Variants in KCNN2 observed in about 807,000 individuals in gnomAD.
The protein encoded by KCNN2 is small conductance calcium-activated potassium channel protein 2.
A neutral mutation model predicts 55.5 loss-of-function variants in KCNN2; 24 were observed. The ratio of observed to expected loss-of-function variants is 0.43; its 90% confidence interval spans 0.31 to 0.61. The LOEUF (loss-of-function observed/expected upper bound fraction) is 0.61, where lower values mean the gene tolerates loss of function less well. Among genes scored for constraint, KCNN2 ranks in the 20% least tolerant of loss-of-function variants. The pLI, the probability that KCNN2 is intolerant of heterozygous loss-of-function variation, is 0.08. For missense variants in KCNN2, 754 were observed against 853.6 expected (o/e 0.88, Z 1.45); for synonymous variants, 431 against 336.1 (o/e 1.28, Z -3.09).
intron 1 of KCNN2, among the ~76,000 whole-genome samples, chr5:114,149,521 G>C (rs558310815): frequency 1.3e-5 from 2 of 152,122 alleles, no homozygotes; most frequent in Admixed American, 6.5e-5. Flanking sequence ...GGATATACCA[G>C]CATTTATTAT....
intron 3 of KCNN2, among the ~76,000 whole-genome samples, chr5:114,447,276 C>T (rs1044261925): frequency 1.3e-5 from 2 of 152,154 alleles, no homozygotes; most frequent in Non-Finnish European, 2.9e-5. Flanking sequence ...TGGTTTTGAT[C>T]CTTTTGACTT....
intron 1 of KCNN2, among the ~76,000 whole-genome samples, chr5:114,144,739 T>C (rs1561493897): frequency 6.6e-6 from 1 of 151,368 alleles, no homozygotes; most frequent in Non-Finnish European, 1.5e-5. Context: ...TAACACAACT[T>C]TTAAGTAGTA....
chr5:114,295,260 G>A (rs530430170), intron 2 of KCNN2, among the ~76,000 whole-genome samples: 85 of 152,320 alleles, frequency 5.6e-4, no homozygotes, highest in African/African-American at 2.0e-3. Flanking sequence ...GTCTGCAGAG[G>A]TTACTGCTGT....
chr5:114,170,361 T>C (rs1039301643), intron 1 of KCNN2, among the ~76,000 whole-genome samples: 12 of 152,080 alleles, frequency 7.9e-5, no homozygotes, highest in Admixed American at 4.6e-4. Flanking sequence ...ATGGGTTTTA[T>C]TGAGATTTTA....
chr5:114,419,987 G>T (rs1407387546), intron 3 of KCNN2, among the ~76,000 whole-genome samples: 1 of 152,238 alleles, frequency 6.6e-6, no homozygotes, highest in East Asian at 1.9e-4. Flanking sequence ...AACATAGTGA[G>T]ACCCTGTCTC....
chr5:114,139,001 T>G (rs1299849798), intron 1 of KCNN2, among the ~76,000 whole-genome samples: 3 of 152,170 alleles, frequency 2.0e-5, no homozygotes, highest in African/African-American at 7.2e-5. Flanking sequence ...CTTTTATAGT[T>G]TCTACATCAG....
chr5:114,386,511 T>C (rs1454264283), intron 2 of KCNN2, among the ~76,000 whole-genome samples: 1 of 152,208 alleles, frequency 6.6e-6, no homozygotes, highest in Non-Finnish European at 1.5e-5. Context: ...GGCTTTCTTT[T>C]TAAAAATTTC....
intron 6 of KCNN2, among the ~76,000 whole-genome samples, chr5:114,493,066 T>A (rs2150142803): frequency 6.6e-6 from 1 of 152,268 alleles, no homozygotes; most frequent in Non-Finnish European, 1.5e-5. Flanking sequence ...TTTCTTCCTA[T>A]GTCTATGTGT....
At chr5:114,235,493 A>G (rs1156769558) in intron 2 of KCNN2, among the ~76,000 whole-genome samples, 1 of 152,238 alleles carries the variant, frequency 6.6e-6, no homozygotes, top group Admixed American at 6.5e-5. Flanking sequence ...ACTGATTCAT[A>G]AATGGAAAGC....
intron 2 of KCNN2, among the ~76,000 whole-genome samples, chr5:114,283,364 G>A (rs1346151869): frequency 6.6e-6 from 1 of 151,984 alleles, no homozygotes; most frequent in Non-Finnish European, 1.5e-5. Context: ...CTATTTTTCA[G>A]TTCTATTATT....
In KCNN2 at chr5:114,087,024, C is replaced by T. The variant is rs565915943; in HGVS notation, c.-271+30524C>T. 1.0e-3 allele frequency among the ~76,000 whole-genome samples: 153 copies of T among 152,114 alleles called. 1 individual carries two copies. The highest frequency in any genetic ancestry group is 3.6e-3 in the African/African-American group (148 of 41,518). On this transcript the variant is annotated intron_variant, in intron 1 of 10. Coordinates refer to the KCNN2 transcript ENST00000512097. Reference sequence around the variant, plus strand: ...CATCGTGGTTCTGTTTTGCATTTCTCGGATGCTTAGGGATGAGGAGCGTTT... The same window carrying T: ...CATCGTGGTTCTGTTTTGCATTTCTTGGATGCTTAGGGATGAGGAGCGTTT...
At chr5:114,380,373 T>C (rs13157173) in intron 2 of KCNN2, among the ~76,000 whole-genome samples, 17,896 of 152,282 alleles carry the variant, frequency 0.12, 1,292 homozygotes, top group South Asian at 0.21. Context: ...AATAATGCCC[T>C]GGCTCTCTCT....
At chr5:114,176,919 C>T (rs1421030199) in intron 1 of KCNN2, among the ~76,000 whole-genome samples, 2 of 152,062 alleles carry the variant, frequency 1.3e-5, no homozygotes, top group Non-Finnish European at 2.9e-5. Flanking sequence ...CTCTCTCTCT[C>T]CAGTGTGCAA....
chr5:114,255,080 C>T (rs2150001777), intron 2 of KCNN2, among the ~76,000 whole-genome samples: 1 of 152,172 alleles, frequency 6.6e-6, no homozygotes, highest in South Asian at 2.1e-4. Context: ...GGTATTTATG[C>T]AGAGAAAAGA....
chr5:114,074,050 T>G (rs1241969842), intron 1 of KCNN2, among the ~76,000 whole-genome samples: 1 of 152,208 alleles, frequency 6.6e-6, no homozygotes, highest in Non-Finnish European at 1.5e-5. Context: ...TTTCCTGGCA[T>G]GTTGACTTAC....
chr5:114,061,519 T>C (rs1286618786), intron 1 of KCNN2, among the ~76,000 whole-genome samples: 2 of 152,124 alleles, frequency 1.3e-5, no homozygotes, highest in Non-Finnish European at 2.9e-5. Flanking sequence ...TGCAGGACAC[T>C]GCCATGATTT....
rs545480665 is a variant in KCNN2, at chr5:114,063,309, C to T, written c.-271+6809C>T. Among the ~76,000 whole-genome samples the T allele has an allele frequency of 2.6e-5, 4 of 152,352 alleles. No homozygotes were observed. The South Asian group carries it at 8.3e-4, about 32-fold the overall frequency. Reference sequence around the variant, plus strand: ...TCTCTGGCCAGTCAGCATTGATTGACTCATCCTGCTATGCTTTTTATATGC... The same window carrying T: ...TCTCTGGCCAGTCAGCATTGATTGATTCATCCTGCTATGCTTTTTATATGC... On this transcript the variant is annotated intron_variant, in intron 1 of 10. Coordinates refer to the KCNN2 transcript ENST00000512097.
At chr5:114,420,913 G>T (rs1759454206) in intron 3 of KCNN2, among the ~76,000 whole-genome samples, 1 of 152,100 alleles carries the variant, frequency 6.6e-6, no homozygotes, top group Non-Finnish European at 1.5e-5. Context: ...CAATTTTCAA[G>T]TTAGGTAAAA....
intron 1 of KCNN2, among the ~76,000 whole-genome samples, chr5:114,216,683 C>G (rs1754009685): frequency 6.6e-6 from 1 of 152,078 alleles, no homozygotes; most frequent in Non-Finnish European, 1.5e-5. Flanking sequence ...CCAACATACT[C>G]AAAACTTCCC....
Sources: gnomAD v4.1 joint callset for allele counts (sites outside exome capture counted in the v4.1 genomes callset) on GRCh38, gnomAD v4.1.1 for gene constraint, MANE v1.5 for transcripts, NCBI Gene and HGNC (gene_info 2026-07-23, HGNC 2026-07-21) for gene names.